The following C13orf46 variants were observed in gnomAD, a reference collection of about 807,000 sequenced individuals.
The protein encoded by C13orf46 is chromosome 13 open reading frame 46.
At position 113,956,341 on chromosome 13, in the gene C13orf46, G is replaced by GAGT. The variant is rs1435121591; in HGVS notation, c.*429_*431dup. The GAGT allele has an allele frequency of 5.7e-3, 741 of 130,932 alleles. 28 individuals carry two copies. The highest frequency in any genetic ancestry group is 0.018 in the Middle Eastern group (5 of 282). 8.1% of individuals were successfully genotyped at this position (130,932 alleles called of 1,614,324 possible). ...AGGAGGAGTAGTATCTGGTGGAGAG[G>GAGT]AGTAGTATCTGGTGGAGAGGAGGAG... On this transcript the variant is annotated 3_prime_UTR_variant, in exon 7 of 7. Transcript: ENST00000636427.
chr13:113,966,116 GATGATGGTGATT>G (rs1331647491), intron 5 of C13orf46, among the ~76,000 whole-genome samples: 176 of 150,896 alleles, frequency 1.2e-3, no homozygotes, highest in African/African-American at 3.9e-3. Context: ...TGATGATGGT[GATGATGGTGATT>G]ATAATGGTGA....
chr13:113,952,064 G>T (rs1042155336), downstream of C13orf46, among the ~76,000 whole-genome samples: 1 of 152,236 alleles, frequency 6.6e-6, no homozygotes, highest in African/African-American at 2.4e-5. Context: ...CAGCCCCCAA[G>T]GAACCAGAAC....
chr13:113,950,203 C>T, downstream of C13orf46, among the ~76,000 whole-genome samples: 1 of 132,774 alleles, frequency 7.5e-6, no homozygotes, highest in Non-Finnish European at 1.6e-5. Context: ...GGGTCCTCAC[C>T]CCCTGCCTTG....
chr13:113,965,743 ATGG>A (rs2052631238), intron 5 of C13orf46, among the ~76,000 whole-genome samples: 1 of 69,930 alleles, frequency 1.4e-5, no homozygotes, highest in Non-Finnish European at 2.5e-5. Flanking sequence ...GAAGGTGATG[ATGG>A]TGATGATGGT....
At chr13:113,937,684 T>TCGGATGAA in the C13orf46 span, among the ~76,000 whole-genome samples, 1 of 152,164 alleles carries the variant, frequency 6.6e-6, no homozygotes, top group East Asian at 1.9e-4. Context: ...TCAACATACA[T>TCGGATGAA]CGGATGAACG....
intron 5 of C13orf46, among the ~76,000 whole-genome samples, chr13:113,967,121 C>A (rs890272790): frequency 6.6e-6 from 1 of 152,136 alleles, no homozygotes. Flanking sequence ...CTGAAGTGTG[C>A]GTGAGTTGGA....
the C13orf46 span, among the ~76,000 whole-genome samples, chr13:113,933,149 G>C: frequency 6.6e-6 from 1 of 152,232 alleles, no homozygotes; most frequent in Non-Finnish European, 1.5e-5. Context: ...ACAGGTGTGA[G>C]CCACTGCATC....
intron 5 of C13orf46, among the ~76,000 whole-genome samples, chr13:113,965,978 T>G (rs891279996): frequency 4.6e-5 from 7 of 151,926 alleles, no homozygotes; most frequent in Non-Finnish European, 7.4e-5. Flanking sequence ...ATGTTGGTGA[T>G]GATGGTGACA....
the C13orf46 span, among the ~76,000 whole-genome samples, chr13:113,934,130 T>C: frequency 6.6e-6 from 1 of 151,944 alleles, no homozygotes; most frequent in Non-Finnish European, 1.5e-5. Context: ...GGGAACGGAG[T>C]GCGGAATGCA....
chr13:113,972,840 C>T (rs1007061858), intron 1 of C13orf46, among the ~76,000 whole-genome samples: 22 of 152,274 alleles, frequency 1.4e-4, no homozygotes, highest in East Asian at 7.7e-4. Context: ...CGGCTGGCTT[C>T]GGAGGCCCAT....
At chr13:113,972,016 C>T (rs548114637) in intron 1 of C13orf46, among the ~76,000 whole-genome samples, 1 of 152,144 alleles carries the variant, frequency 6.6e-6, no homozygotes, top group African/African-American at 2.4e-5. Flanking sequence ...ACAGGACAAG[C>T]GGCCACACAG....
the C13orf46 span, among the ~76,000 whole-genome samples, chr13:113,940,159 C>T: frequency 0.14 from 20,767 of 152,298 alleles, 1,761 homozygotes; most frequent in Non-Finnish European, 0.19. Context: ...CACCGTCAGC[C>T]GCATTTGGCT....
chr13:113,968,181 G>A (rs2052668604), intron 4 of C13orf46, among the ~76,000 whole-genome samples: 1 of 152,168 alleles, frequency 6.6e-6, no homozygotes, highest in African/African-American at 2.4e-5. Flanking sequence ...GGTGTTTTCT[G>A]GGCCAAGGTC....
At chr13:113,971,872 T>C (rs1335326741) in intron 1 of C13orf46, among the ~76,000 whole-genome samples, 2 of 152,170 alleles carry the variant, frequency 1.3e-5, no homozygotes, top group Non-Finnish European at 2.9e-5. Context: ...TGCCTCCTGC[T>C]CTTCTCCGGC....
chr13:113,957,331 G>A (rs1292288634), intron 6 of C13orf46, among the ~76,000 whole-genome samples: 1 of 138,874 alleles, frequency 7.2e-6, no homozygotes, highest in Non-Finnish European at 1.5e-5. Flanking sequence ...AAGCACACTG[G>A]GGGATCTCCC....
At chr13:113,942,117 C>A in the C13orf46 span, among the ~76,000 whole-genome samples, 8 of 152,366 alleles carry the variant, frequency 5.3e-5, no homozygotes, top group Non-Finnish European at 7.3e-5. Context: ...ACAAAACGCA[C>A]AGAGGCCGTG....
chr13:113,937,523 A>C, the C13orf46 span, among the ~76,000 whole-genome samples: 1 of 152,190 alleles, frequency 6.6e-6, no homozygotes, highest in African/African-American at 2.4e-5. Flanking sequence ...GTAAACCAAA[A>C]GGCGTCTGAG....
the C13orf46 span, among the ~76,000 whole-genome samples, chr13:113,933,524 C>T: frequency 3.3e-5 from 5 of 152,142 alleles, no homozygotes; most frequent in African/African-American, 1.2e-4. Flanking sequence ...ATTAGCTTAC[C>T]AATTTCTACA....
At chr13:113,926,675 G>C in the C13orf46 span, 1 of 152,242 alleles carries the variant, frequency 6.6e-6, no homozygotes, top group East Asian at 1.9e-4. Context: ...TTCTGAAACT[G>C]GAGAAGCAGA....
Sources: allele counts gnomAD v4.1 joint callset (sites outside exome capture counted in the v4.1 genomes callset), GRCh38; gene constraint gnomAD v4.1.1; transcripts MANE v1.5; gene names NCBI Gene and HGNC (gene_info 2026-07-23, HGNC 2026-07-21).